Variants in CADM2 observed in about 807,000 individuals in gnomAD.
CADM2 encodes cell adhesion molecule 2.
CADM2 carries 12 observed loss-of-function variants against 49.8 expected under a neutral mutation model. The observed-to-expected ratio is 0.24, with a 90% CI of 0.15 to 0.39. The LOEUF is 0.39. Among genes scored for constraint, CADM2 ranks in the 10% least tolerant of loss-of-function variants. The pLI, the probability that CADM2 is intolerant of heterozygous loss-of-function variation, is 1.00. For synonymous variants in CADM2, 214 were observed against 175.4 expected, an observed-to-expected ratio of 1.22 and a Z score of -1.74; for missense variants, 378 against 492.3, an observed-to-expected ratio of 0.77 and a Z score of 2.20.
intron 1 of CADM2, among the ~76,000 whole-genome samples, chr3:84,977,302 G>A (rs1271744061): frequency 1.3e-5 from 2 of 151,954 alleles, no homozygotes; most frequent in East Asian, 3.9e-4. Context: ...AAGAACTTAG[G>A]ATGATATTTG....
chr3:86,028,223 CA>C (rs371077792), intron 8 of CADM2, among the ~76,000 whole-genome samples: 2,142 of 115,860 alleles, frequency 0.018, 23 homozygotes, highest in South Asian at 0.076. Flanking sequence ...AAAAAGAAGT[CA>C]AAAAAAAAAA....
At chr3:85,575,277 C>T (rs774811597) in intron 1 of CADM2, among the ~76,000 whole-genome samples, 5 of 152,172 alleles carry the variant, frequency 3.3e-5, no homozygotes, top group Non-Finnish European at 7.3e-5. Flanking sequence ...TTGGGCTGGG[C>T]GCAGTGGCTC....
intron 1 of CADM2, among the ~76,000 whole-genome samples, chr3:85,476,582 G>T (rs1703707343): frequency 8.8e-6 from 1 of 113,762 alleles, no homozygotes; most frequent in East Asian, 2.8e-4. Context: ...GCAGTCCAAG[G>T]TCAATGATTT....
chr3:85,392,790 AAAAC>A (rs1045403553), intron 1 of CADM2, among the ~76,000 whole-genome samples: 37 of 152,180 alleles, frequency 2.4e-4, no homozygotes, highest in African/African-American at 8.2e-4. Context: ...CTTAATAAAT[AAAAC>A]AAAGCAAAAC....
chr3:86,037,871 G>C (rs1297894216), intron 8 of CADM2, among the ~76,000 whole-genome samples: 1 of 152,088 alleles, frequency 6.6e-6, no homozygotes. Context: ...TACATGGGCA[G>C]AACATGCAGG....
intron 7 of CADM2, among the ~76,000 whole-genome samples, chr3:85,942,801 G>T (rs1722112835): frequency 6.6e-6 from 1 of 152,028 alleles, no homozygotes; most frequent in Non-Finnish European, 1.5e-5. Flanking sequence ...ACATACGTGT[G>T]CATGTGTCTT....
intron 5 of CADM2, among the ~76,000 whole-genome samples, chr3:85,903,330 G>C (rs1483558138): frequency 6.7e-6 from 1 of 150,114 alleles, no homozygotes; most frequent in Non-Finnish European, 1.5e-5. Context: ...TTTTCTATCT[G>C]AGATCACTTG....
At chr3:85,581,169 G>C (rs186802228) in intron 1 of CADM2, among the ~76,000 whole-genome samples, 1 of 151,976 alleles carries the variant, frequency 6.6e-6, no homozygotes, top group Non-Finnish European at 1.5e-5. Flanking sequence ...TACATTGCAC[G>C]TACATTTGTC....
At chr3:85,417,222 A>C (rs2035956975) in intron 1 of CADM2, among the ~76,000 whole-genome samples, 1 of 152,156 alleles carries the variant, frequency 6.6e-6, no homozygotes, top group Non-Finnish European at 1.5e-5. Flanking sequence ...TATTGCATAG[A>C]GTATTTAGAC....
intron 2 of CADM2, among the ~76,000 whole-genome samples, chr3:85,758,400 C>A (rs1216671633): frequency 2.0e-5 from 3 of 152,048 alleles, no homozygotes; most frequent in Non-Finnish European, 4.4e-5. Flanking sequence ...CTAGCATTCC[C>A]CACCCCCATT....
At chr3:85,929,415 T>G (rs1000689559) in intron 6 of CADM2, among the ~76,000 whole-genome samples, 4 of 151,806 alleles carry the variant, frequency 2.6e-5, no homozygotes, top group Non-Finnish European at 5.9e-5. Context: ...AAATACAAAC[T>G]TTTTTTTCTA....
chr3:86,068,365 G>T lies in CADM2; in HGVS notation c.*1582G>T, dbSNP rs1284755278. Reference sequence around the variant, plus strand: ...CTCATTAAATTTATTATATGCTAAAGAATAAAACTCCAGTTAGATTTAAAA... The same window carrying T: ...CTCATTAAATTTATTATATGCTAAATAATAAAACTCCAGTTAGATTTAAAA... On this transcript the variant is annotated 3_prime_UTR_variant, in exon 10 of 10. Coordinates refer to ENST00000383699, the MANE Select transcript of CADM2 (RefSeq NM_001167675.2). 1 of 151,774 alleles carries T rather than the reference G, an allele frequency of 6.6e-6. No individual in the cohort carries two copies. Among genetic ancestry groups the T allele is most frequent in the Non-Finnish European group, 1.5e-5 (1 of 67,842 alleles). 9.4% of individuals were successfully genotyped at this position (151,774 alleles called of 1,614,324 possible).
At chr3:85,357,410 A>G (rs886134676) in intron 1 of CADM2, among the ~76,000 whole-genome samples, 13 of 152,222 alleles carry the variant, frequency 8.5e-5, no homozygotes, top group Middle Eastern at 3.4e-3. Flanking sequence ...AATTCTTATA[A>G]CTAGGATCAT....
intron 8 of CADM2, chr3:86,013,966 G>A: frequency 2.6e-6 from 4 of 1,531,984 alleles, no homozygotes; most frequent in Non-Finnish European, 3.6e-6. Flanking sequence ...CCTGTTATGG[G>A]AGTATCTGTT....
At chr3:85,201,139 A>G (rs1396737555) in intron 1 of CADM2, among the ~76,000 whole-genome samples, 2 of 152,192 alleles carry the variant, frequency 1.3e-5, no homozygotes, top group Non-Finnish European at 2.9e-5. Flanking sequence ...ATCAAACTTT[A>G]TGCATTTTTC....
chr3:85,932,046 T>C (rs1181289463), intron 6 of CADM2, among the ~76,000 whole-genome samples: 1 of 151,536 alleles, frequency 6.6e-6, no homozygotes, highest in Non-Finnish European at 1.5e-5. Context: ...GAGTAAGATT[T>C]AAAGGGTTAA....
chr3:85,046,182 C>T (rs75026929), intron 1 of CADM2, among the ~76,000 whole-genome samples: 6 of 152,168 alleles, frequency 3.9e-5, no homozygotes, highest in Admixed American at 2.0e-4. Context: ...CTCATTCAAT[C>T]GGCCTCTGGT....
chr3:85,088,205 A>G (rs1047558075), intron 1 of CADM2, among the ~76,000 whole-genome samples: 1 of 152,120 alleles, frequency 6.6e-6, no homozygotes, highest in African/African-American at 2.4e-5. Flanking sequence ...CACTGAATTC[A>G]TATTGGTTCT....
At chr3:85,527,948 A>T (rs1371516358) in intron 1 of CADM2, among the ~76,000 whole-genome samples, 1 of 152,078 alleles carries the variant, frequency 6.6e-6, no homozygotes, top group African/African-American at 2.4e-5. Flanking sequence ...TTTTCTGTCA[A>T]GTATTATTTA....
Sources: allele counts gnomAD v4.1 joint callset (sites outside exome capture counted in the v4.1 genomes callset), GRCh38; gene constraint gnomAD v4.1.1; transcripts MANE v1.5; gene names NCBI Gene and HGNC (gene_info 2026-07-23, HGNC 2026-07-21).